The following PPP2R5A variants were observed in gnomAD, a reference collection of about 807,000 sequenced individuals.
The protein encoded by PPP2R5A is protein phosphatase 2 regulatory subunit B'alpha, also known as serine/threonine-protein phosphatase 2A 56 kDa regulatory subunit alpha isoform.
A neutral mutation model predicts 64.2 loss-of-function variants in PPP2R5A; 25 were observed. That is an observed-to-expected ratio of 0.39 (90% CI 0.28 to 0.54). PPP2R5A has a LOEUF of 0.54. PPP2R5A is among the 20% of genes least tolerant of loss of function. The pLI is 0.67. For synonymous variants in PPP2R5A, 198 were observed against 201.2 expected (o/e 0.98, Z 0.13); for missense variants, 425 against 576.3 (o/e 0.74, Z 2.69).
intron 8 of PPP2R5A, among the ~76,000 whole-genome samples, chr1:212,355,957 C>G (rs892900665): frequency 1.3e-5 from 2 of 151,922 alleles, no homozygotes; most frequent in Non-Finnish European, 2.9e-5. Flanking sequence ...CCCAGCTACT[C>G]GAGAGGCTGA....
chr1:212,355,957 C>T (rs892900665), intron 8 of PPP2R5A, among the ~76,000 whole-genome samples: 3 of 151,922 alleles, frequency 2.0e-5, no homozygotes, highest in Non-Finnish European at 4.4e-5. Flanking sequence ...CCCAGCTACT[C>T]GAGAGGCTGA....
Position 212,286,198 on chromosome 1 carries a change from C to T in PPP2R5A, c.88C>T (p.Arg30Cys), listed in dbSNP as rs749196942. 3.8e-6 allele frequency: 6 copies of T among 1,583,420 alleles called. No individual in the cohort carries two copies. Among genetic ancestry groups the T allele is most frequent in the Non-Finnish European group, 5.1e-6 (6 of 1,166,088 alleles). ...GGACGGCTTCACCCGGAAATCGGTC[C>T]GCAAGGCGCAGAGGCAGAAGCGCTC... ...KVDGFTRKSV[R>C]KAQRQKRSQG... The change falls in exon 1 of 13, where the codon CGC (arginine) becomes TGC (cysteine). Residue 30 changes from arginine to cysteine, a missense_variant. Physicochemically the swap from Arg to Cys is radical, Grantham distance 180. Coordinates refer to ENST00000261461, the MANE Select transcript of PPP2R5A (RefSeq NM_006243.4).
chr1:212,287,911 G>C (rs868815175), intron 1 of PPP2R5A, among the ~76,000 whole-genome samples: 3 of 152,050 alleles, frequency 2.0e-5, no homozygotes, highest in Middle Eastern at 3.4e-3. Context: ...AGATATTCTA[G>C]TTTCTTAGTA....
intron 12 of PPP2R5A, 120 bp from the exon 13 acceptor site, chr1:212,360,518 T>C (rs1571616983): frequency 1.1e-6 from 1 of 882,230 alleles, no homozygotes; most frequent in East Asian, 2.7e-5. Context: ...TCCAAAGCTT[T>C]AGCAGAGGGA....
intron 3 of PPP2R5A, among the ~76,000 whole-genome samples, chr1:212,339,909 G>A (rs2102439331): frequency 6.7e-6 from 1 of 149,850 alleles, no homozygotes; most frequent in South Asian, 2.1e-4. Flanking sequence ...GGAATCTCCA[G>A]GGATTTGCAT....
intron 8 of PPP2R5A, 56 bp from the exon 9 acceptor site, chr1:212,356,570 G>A (rs1041529090): frequency 3.3e-6 from 5 of 1,512,920 alleles, no homozygotes; most frequent in Admixed American, 3.7e-5. Flanking sequence ...TGGAAAATAC[G>A]CTGGGATTAA....
chr1:212,319,292 C>T (rs900282169), intron 1 of PPP2R5A: 15 of 152,204 alleles, frequency 9.9e-5, no homozygotes, highest in African/African-American at 3.6e-4. Flanking sequence ...TGAATTTTTC[C>T]TGTGAACTTG....
At chr1:212,311,398 G>A (rs933130369) in intron 1 of PPP2R5A, among the ~76,000 whole-genome samples, 6 of 152,068 alleles carry the variant, frequency 3.9e-5, no homozygotes, top group African/African-American at 1.4e-4. Flanking sequence ...GAACCCGGGA[G>A]GCGGAGGCAG....
At chr1:212,308,580 T>C (rs1204369427) in intron 1 of PPP2R5A, among the ~76,000 whole-genome samples, 9 of 152,198 alleles carry the variant, frequency 5.9e-5, no homozygotes, top group African/African-American at 2.2e-4. Context: ...GGCTAATTTT[T>C]GTATTTTTAG....
At position 212,358,690 on chromosome 1, in the gene PPP2R5A, A is replaced by G; in HGVS notation, c.1231A>G (p.Ile411Val). 1 of 1,610,786 alleles carries G rather than the reference A, an allele frequency of 6.2e-7. No homozygotes were observed. The highest frequency in any genetic ancestry group is 1.7e-5 in the Admixed American group (1 of 59,676). The change falls in exon 12 of 13, where the codon ATT (isoleucine) becomes GTT (valine). Residue 411 changes from isoleucine (I) to valine (V), a missense_variant. Ile to Val is a conservative substitution (Grantham distance 29, BLOSUM62 3). Transcript: ENST00000261461. ...ACTGGCTCATTTTCATTTCAGGACC[A>G]TTGTAGCACTGGTATACAATGTGCT... is the stretch of plus-strand genomic sequence containing the variant. Reference protein sequence around the residue: ...KISKEHWNPTIVALVYNVLKT... With the variant: ...KISKEHWNPTVVALVYNVLKT...
chr1:212,312,031 C>A (rs1392664938), intron 1 of PPP2R5A, among the ~76,000 whole-genome samples: 2 of 152,174 alleles, frequency 1.3e-5, no homozygotes, highest in Non-Finnish European at 2.9e-5. Flanking sequence ...ACTTACTCAT[C>A]CAGAGCAACT....
intron 8 of PPP2R5A, among the ~76,000 whole-genome samples, chr1:212,349,651 CAT>C (rs957235815): frequency 2.0e-5 from 3 of 152,154 alleles, no homozygotes; most frequent in Non-Finnish European, 2.9e-5. Context: ...TTTTGCCACT[CAT>C]TAACAATAAA....
chr1:212,325,331 A>G (rs1468501550), intron 1 of PPP2R5A, among the ~76,000 whole-genome samples: 1 of 152,222 alleles, frequency 6.6e-6, no homozygotes, highest in Non-Finnish European at 1.5e-5. Flanking sequence ...GTTTGTTCTT[A>G]AAGGGCAAGT....
intron 1 of PPP2R5A, among the ~76,000 whole-genome samples, chr1:212,322,734 C>T (rs915194140): frequency 1.3e-5 from 2 of 151,020 alleles, no homozygotes; most frequent in Admixed American, 1.3e-4. Flanking sequence ...GTAAAGCTTT[C>T]TTGCATTTAA....
intron 8 of PPP2R5A, among the ~76,000 whole-genome samples, chr1:212,354,625 A>C (rs956330029): frequency 6.6e-6 from 1 of 151,922 alleles, no homozygotes. Context: ...TCAAGGTTAC[A>C]ATAAGCCTAG....
rs745433703 is a variant in PPP2R5A, at chr1:212,360,731, C to A, written c.1422C>A (p.Tyr474Ter). 2 of 1,592,954 alleles carry A rather than the reference C, an allele frequency of 1.3e-6. No individual in the cohort carries two copies. ...CTCTAGAAAAACAGAATAGTGCTTACAACATGCACAGTATTCTCAGCAATA... is the reference window on the plus strand; with the variant it reads ...CTCTAGAAAAACAGAATAGTGCTTAAAACATGCACAGTATTCTCAGCAATA... ...KKALEKQNSA[Y>*]NMHSILSNTS... Residue 474 changes from tyrosine to a stop codon, truncating the protein, a stop_gained, in exon 13 of 13, where the codon TAC becomes TAA. Transcript: ENST00000261461. LOFTEE classifies it high-confidence loss of function.
At chr1:212,329,103 A>G (rs376477992) in intron 1 of PPP2R5A, 32 bp from the exon 2 acceptor site, 25 of 1,398,762 alleles carry the variant, frequency 1.8e-5, no homozygotes, top group Non-Finnish European at 2.3e-5. Flanking sequence ...TGAGTAGGTT[A>G]TTTCTAAGTT....
intron 1 of PPP2R5A, among the ~76,000 whole-genome samples, chr1:212,323,972 T>C (rs1057167578): frequency 4.0e-5 from 6 of 151,796 alleles, no homozygotes; most frequent in African/African-American, 1.5e-4. Context: ...CTTGGGAGGC[T>C]GAGGCAGGAG....
intron 1 of PPP2R5A, among the ~76,000 whole-genome samples, chr1:212,328,333 A>G (rs73082459): frequency 0.033 from 5,097 of 152,220 alleles, 272 homozygotes; most frequent in African/African-American, 0.11. Flanking sequence ...AAAAATTAAA[A>G]AAAAAGAAGG....
Sources: gnomAD v4.1 joint callset for allele counts (sites outside exome capture counted in the v4.1 genomes callset) on GRCh38, gnomAD v4.1.1 for gene constraint, MANE v1.5 for transcripts, NCBI Gene and HGNC (gene_info 2026-07-23, HGNC 2026-07-21) for gene names.